Variants in KCNQ3 observed in about 807,000 individuals in gnomAD.
The protein encoded by KCNQ3 is potassium voltage-gated channel subfamily KQT member 3.
In KCNQ3, 30 loss-of-function variants were observed where a neutral mutation model predicts 92.5. The observed-to-expected ratio is 0.32, with a 90% CI of 0.24 to 0.44. KCNQ3 has a LOEUF of 0.44. KCNQ3 is among the 20% of genes least tolerant of loss of function. The pLI is 1.00. For missense variants in KCNQ3, 913 were observed against 1,140.3 expected (o/e 0.80, Z 2.87); for synonymous variants, 450 against 468.8 (o/e 0.96, Z 0.52).
intron 1 of KCNQ3, among the ~76,000 whole-genome samples, chr8:132,274,248 C>T (rs772833932): frequency 3.3e-5 from 5 of 152,156 alleles, no homozygotes; most frequent in South Asian, 2.1e-4. Context: ...AGAAGGAAGT[C>T]ACATCTTACA....
intron 1 of KCNQ3, among the ~76,000 whole-genome samples, chr8:132,412,166 G>C (rs1387908111): frequency 6.6e-6 from 1 of 152,170 alleles, no homozygotes; most frequent in Non-Finnish European, 1.5e-5. Flanking sequence ...GCCGATTCCA[G>C]AAAAACAATT....
At chr8:132,243,210 G>A (rs547841776) in intron 1 of KCNQ3, among the ~76,000 whole-genome samples, 1 of 152,318 alleles carries the variant, frequency 6.6e-6, no homozygotes, top group African/African-American at 2.4e-5. Flanking sequence ...ATGAGCAACT[G>A]GAGGCTTACA....
At chr8:132,455,313 G>T (rs2130853310) in intron 1 of KCNQ3, among the ~76,000 whole-genome samples, 1 of 152,230 alleles carries the variant, frequency 6.6e-6, no homozygotes, top group African/African-American at 2.4e-5. Flanking sequence ...CACCATGTTG[G>T]CCAGGCTAGT....
chr8:132,322,076 A>T (rs796965855), intron 1 of KCNQ3, among the ~76,000 whole-genome samples: 1 of 152,146 alleles, frequency 6.6e-6, no homozygotes, highest in Admixed American at 6.6e-5. Flanking sequence ...GTGAAAGAAG[A>T]GGGGCGGAGA....
chr8:132,331,561 CCT>C (rs1818230607), intron 1 of KCNQ3, among the ~76,000 whole-genome samples: 1 of 152,166 alleles, frequency 6.6e-6, no homozygotes, highest in Admixed American at 6.5e-5. Flanking sequence ...TCCTCCCCTC[CCT>C]GTCCCCTCCC....
chr8:132,366,150 T>C (rs1325433792), intron 1 of KCNQ3, among the ~76,000 whole-genome samples: 1 of 152,264 alleles, frequency 6.6e-6, no homozygotes, highest in African/African-American at 2.4e-5. Context: ...AGGGCTCTTG[T>C]TGTTTACCTT....
rs190161640 is a variant in KCNQ3 at position 132,456,757 on chromosome 8, G to A, written c.386+23390C>T. Among the ~76,000 whole-genome samples, 1,273 of 151,630 alleles carry A rather than the reference G, an allele frequency of 8.4e-3. 7 individuals are homozygous for A. The highest frequency in any genetic ancestry group is 0.014 in the Middle Eastern group (4 of 294). On this transcript the variant is annotated intron_variant, in intron 1 of 14. Coordinates refer to ENST00000388996, the MANE Select transcript of KCNQ3 (RefSeq NM_004519.4). ...CTCCTCAGTAGCTGGGACTACAGGC[G>A]CCCGCCACAATGCCCGGCTAATTTT...
intron 1 of KCNQ3, among the ~76,000 whole-genome samples, chr8:132,244,475 G>C (rs1815097986): frequency 2.0e-5 from 3 of 151,370 alleles, no homozygotes; most frequent in Non-Finnish European, 1.5e-5. Context: ...ATGATAGAGA[G>C]GTGTTAAAAA....
At chr8:132,142,158 T>G (rs940766888) in intron 9 of KCNQ3, among the ~76,000 whole-genome samples, 1 of 152,242 alleles carries the variant, frequency 6.6e-6, no homozygotes, top group Non-Finnish European at 1.5e-5. Context: ...CTTTTGTATA[T>G]TGTATTTTGT....
At chr8:132,426,167 T>A (rs1261919351) in intron 1 of KCNQ3, among the ~76,000 whole-genome samples, 1 of 152,188 alleles carries the variant, frequency 6.6e-6, no homozygotes, top group Non-Finnish European at 1.5e-5. Context: ...CCAGTTGTGG[T>A]GTAAGGCCTA....
At chr8:132,421,197 A>G (rs1035719495) in intron 1 of KCNQ3, among the ~76,000 whole-genome samples, 9 of 152,230 alleles carry the variant, frequency 5.9e-5, no homozygotes, top group Non-Finnish European at 1.0e-4. Context: ...TTATCTCTAC[A>G]TATGAATAAT....
intron 1 of KCNQ3, among the ~76,000 whole-genome samples, chr8:132,240,275 C>T (rs576154319): frequency 6.6e-6 from 1 of 151,702 alleles, no homozygotes; most frequent in East Asian, 2.0e-4. Flanking sequence ...CAACCTCTGC[C>T]TCCAGGGTTC....
At chr8:132,359,351 A>G (rs1819101262) in intron 1 of KCNQ3, among the ~76,000 whole-genome samples, 1 of 152,158 alleles carries the variant, frequency 6.6e-6, no homozygotes, top group African/African-American at 2.4e-5. Context: ...TGGTGCATGG[A>G]TTGGCATGAG....
intron 9 of KCNQ3, among the ~76,000 whole-genome samples, chr8:132,161,664 A>C (rs562057742): frequency 2.0e-5 from 3 of 152,106 alleles, no homozygotes; most frequent in African/African-American, 7.2e-5. Flanking sequence ...AAAAAGAAAA[A>C]GAAAAAAAAA....
At chr8:132,153,751 A>G (rs1239531915) in intron 9 of KCNQ3, among the ~76,000 whole-genome samples, 1 of 151,888 alleles carries the variant, frequency 6.6e-6, no homozygotes, top group Non-Finnish European at 1.5e-5. Flanking sequence ...CCCCATTAAC[A>G]TGGGTGAAAG....
chr8:132,268,063 TA>T (rs1816044776), intron 1 of KCNQ3, among the ~76,000 whole-genome samples: 3 of 152,318 alleles, frequency 2.0e-5, no homozygotes, highest in Admixed American at 6.5e-5. Context: ...TATATTGATC[TA>T]AAAATCCTAT....
At chr8:132,411,833 A>C (rs1172041922) in intron 1 of KCNQ3, among the ~76,000 whole-genome samples, 1 of 152,146 alleles carries the variant, frequency 6.6e-6, no homozygotes, top group East Asian at 1.9e-4. Flanking sequence ...GGTTTCTTTG[A>C]CCATGGAGGG....
At chr8:132,476,526 A>C (rs1332735385) in intron 1 of KCNQ3, among the ~76,000 whole-genome samples, 1 of 152,184 alleles carries the variant, frequency 6.6e-6, no homozygotes. Flanking sequence ...ATCAAAGGAC[A>C]TTATTTTGGA....
intron 1 of KCNQ3, among the ~76,000 whole-genome samples, chr8:132,424,805 G>C (rs1821066940): frequency 6.6e-6 from 1 of 152,048 alleles, no homozygotes; most frequent in Non-Finnish European, 1.5e-5. Context: ...TCTAATTTCT[G>C]GCCCAGTCTT....
Sources: gnomAD v4.1 joint callset for allele counts (sites outside exome capture counted in the v4.1 genomes callset) on GRCh38, gnomAD v4.1.1 for gene constraint, MANE v1.5 for transcripts, NCBI Gene and HGNC (gene_info 2026-07-23, HGNC 2026-07-21) for gene names.